CLEC19A: variants seen among roughly 807,000 people sequenced by gnomAD.
The protein encoded by CLEC19A is C-type lectin domain containing 19A.
A neutral mutation model predicts 26.1 loss-of-function variants in CLEC19A; 21 were observed. The ratio of observed to expected loss-of-function variants is 0.80; its 90% CI spans 0.57 to 1.16. The LOEUF (loss-of-function observed/expected upper bound fraction) is 1.16. Among genes scored for constraint, CLEC19A ranks in the 50% most tolerant of loss-of-function variants. CLEC19A has a pLI of 0.00. For synonymous variants in CLEC19A, 89 were observed against 88.6 expected (o/e 1.00, Z -0.03); for missense variants, 224 against 227.6 (o/e 0.98, Z 0.10).
intron 2 of CLEC19A, among the ~76,000 whole-genome samples, chr16:19,302,684 G>C (rs1475242690): frequency 6.6e-6 from 1 of 152,140 alleles, no homozygotes; most frequent in Non-Finnish European, 1.5e-5. Context: ...ATTTGAGTGA[G>C]GTGTGCCCAC....
chr16:19,297,354 C>T (rs1897725695), intron 1 of CLEC19A, among the ~76,000 whole-genome samples: 1 of 152,112 alleles, frequency 6.6e-6, no homozygotes, highest in African/African-American at 2.4e-5. Context: ...TGCAGATTGC[C>T]ATGAAAGTGA....
At chr16:19,308,867 C>A in intron 4 of CLEC19A, 137 bp from the exon 5 acceptor site, 2 of 654,216 alleles carry the variant, frequency 3.1e-6, no homozygotes, top group Non-Finnish European at 5.4e-6. Flanking sequence ...GCAGGCTTGT[C>A]AAGTATCAGC....
At chr16:19,287,351 A>AATCCCATCATAAGGATGGG (rs1897493204) in intron 1 of CLEC19A, among the ~76,000 whole-genome samples, 1 of 152,052 alleles carries the variant, frequency 6.6e-6, no homozygotes, top group East Asian at 1.9e-4. Flanking sequence ...TAAGCACACT[A>AATCCCATCATAAGGATGGG]ATCCCATCAT....
At chr16:19,301,436 G>A (rs1475970051) in intron 2 of CLEC19A, among the ~76,000 whole-genome samples, 4 of 152,188 alleles carry the variant, frequency 2.6e-5, no homozygotes, top group African/African-American at 9.7e-5. Flanking sequence ...TTGATTAAGG[G>A]CATCAGAGTC....
chr16:19,301,632 C>T (rs953601703), intron 2 of CLEC19A, among the ~76,000 whole-genome samples: 3 of 151,146 alleles, frequency 2.0e-5, no homozygotes, highest in African/African-American at 4.9e-5. Flanking sequence ...GGCGTGATCT[C>T]GGCTCACTGC....
intron 1 of CLEC19A, among the ~76,000 whole-genome samples, chr16:19,287,075 T>C (rs1395908850): frequency 1.3e-5 from 2 of 150,566 alleles, no homozygotes; most frequent in Non-Finnish European, 2.9e-5. Flanking sequence ...CAATAAGGGA[T>C]AGTCTTAGCT....
intron 1 of CLEC19A, among the ~76,000 whole-genome samples, chr16:19,296,041 C>G (rs1352811346): frequency 3.9e-5 from 6 of 152,176 alleles, no homozygotes; most frequent in Non-Finnish European, 8.8e-5. Flanking sequence ...CCTCCCCCAG[C>G]AGAGCTCCTT....
chr16:19,301,735 GGTTTTT>G (rs1897828594), intron 2 of CLEC19A, among the ~76,000 whole-genome samples: 1 of 35,126 alleles, frequency 2.8e-5, no homozygotes, highest in African/African-American at 1.4e-4. Context: ...AGGTTTTTTT[GGTTTTT>G]TTTTTTTTTT....
chr16:19,295,180 A>G (rs987720038), intron 1 of CLEC19A, among the ~76,000 whole-genome samples: 25 of 152,048 alleles, frequency 1.6e-4, no homozygotes, highest in African/African-American at 6.0e-4. Context: ...AGGAGTGCCC[A>G]GGATGTGGGA....
chr16:19,308,250 C>A (rs867369670), intron 4 of CLEC19A, among the ~76,000 whole-genome samples: 2 of 152,224 alleles, frequency 1.3e-5, no homozygotes, highest in South Asian at 4.1e-4. Context: ...AAAGGAGGCA[C>A]AGTTGATATA....
chr16:19,288,023 C>G (rs999511341), intron 1 of CLEC19A, among the ~76,000 whole-genome samples: 3 of 152,120 alleles, frequency 2.0e-5, no homozygotes, highest in African/African-American at 7.2e-5. Context: ...TCAATCTCAG[C>G]TACCTGGGAG....
chr16:19,296,651 A>G (rs1897711199), intron 1 of CLEC19A, among the ~76,000 whole-genome samples: 1 of 152,208 alleles, frequency 6.6e-6, no homozygotes, highest in South Asian at 2.1e-4. Flanking sequence ...CCACTTACCT[A>G]CAGGATGATC....
At chr16:19,293,218 G>A (rs1430847585) in intron 1 of CLEC19A, among the ~76,000 whole-genome samples, 1 of 152,182 alleles carries the variant, frequency 6.6e-6, no homozygotes, top group Non-Finnish European at 1.5e-5. Context: ...TCTGATCCCA[G>A]CCAATACTAG....
intron 1 of CLEC19A, among the ~76,000 whole-genome samples, chr16:19,296,934 C>T (rs1399096946): frequency 2.6e-5 from 4 of 152,158 alleles, no homozygotes; most frequent in Non-Finnish European, 5.9e-5. Context: ...AGGTCAGATA[C>T]AGAGCTGGGG....
intron 1 of CLEC19A, among the ~76,000 whole-genome samples, chr16:19,288,253 C>G (rs1353122502): frequency 6.6e-6 from 1 of 152,138 alleles, no homozygotes; most frequent in Non-Finnish European, 1.5e-5. Flanking sequence ...GATTTCAACA[C>G]AGAGGGAATG....
At chr16:19,288,144 G>C (rs561975611) in intron 1 of CLEC19A, among the ~76,000 whole-genome samples, 1 of 152,286 alleles carries the variant, frequency 6.6e-6, no homozygotes, top group East Asian at 1.9e-4. Flanking sequence ...GCCAACCATG[G>C]TCATCACTGT....
intron 1 of CLEC19A, among the ~76,000 whole-genome samples, chr16:19,288,623 C>G (rs2143008397): frequency 6.6e-6 from 1 of 152,256 alleles, no homozygotes; most frequent in Non-Finnish European, 1.5e-5. Flanking sequence ...AGACTAAATC[C>G]TTTTCCCAAA....
chr16:19,300,418 C>T (rs1185964264), intron 2 of CLEC19A, among the ~76,000 whole-genome samples: 2 of 150,404 alleles, frequency 1.3e-5, no homozygotes, highest in African/African-American at 4.9e-5. Context: ...CGTGGTGATG[C>T]ACACCTGTAG....
rs1041892779 is a variant in CLEC19A, at chr16:19,310,729, T to C, written c.*1646T>C. On this transcript the variant is annotated 3_prime_UTR_variant, in exon 5 of 5. Coordinates refer to ENST00000636231, the MANE Select transcript of CLEC19A (RefSeq NM_001256720.2). ...TTCCATATATATGAAATATCCAGAA[T>C]AGGCAAGTCTATAGAGATGGAAAGT... 2 of 152,144 alleles carry C rather than the reference T, an allele frequency of 1.3e-5. No individual in the cohort carries two copies. The highest frequency in any genetic ancestry group is 4.8e-5 in the African/African-American group (2 of 41,424). 9.4% of individuals were successfully genotyped at this position (152,144 alleles called of 1,614,324 possible). A position where few individuals can be genotyped will look rare whatever the true frequency, so the allele number is the denominator to read the frequency against.
Sources: gnomAD v4.1 joint callset for allele counts (sites outside exome capture counted in the v4.1 genomes callset) on GRCh38, gnomAD v4.1.1 for gene constraint, MANE v1.5 for transcripts, NCBI Gene and HGNC (gene_info 2026-07-23, HGNC 2026-07-21) for gene names.